Variants in AP5M1 observed in about 807,000 individuals in gnomAD.
The protein encoded by AP5M1 is adaptor related protein complex 5 subunit mu 1.
A neutral mutation model predicts 52.3 loss-of-function variants in AP5M1; 44 were observed. That is an observed-to-expected ratio of 0.84 (90% CI 0.66 to 1.08). AP5M1 has a LOEUF of 1.08. Ranked by LOEUF, AP5M1 falls within the 50% of genes least tolerant of loss-of-function variation. AP5M1 has a pLI of 0.00. For missense variants in AP5M1, 526 were observed against 568.4 expected (o/e 0.93, Z 0.76); for synonymous variants, 213 against 199.0 (o/e 1.07, Z -0.59).
In AP5M1 at chr14:57,274,691, T is replaced by A; in HGVS notation, c.522T>A (p.Asp174Glu). 1 of 1,614,208 alleles carries A rather than the reference T, an allele frequency of 6.2e-7. No individual in the cohort carries two copies. The highest frequency in any genetic ancestry group is 8.5e-7 in the Non-Finnish European group (1 of 1,180,044). The change falls in exon 2 of 8, where the codon GAT becomes GAA. Residue 174 changes from aspartate to glutamate, a missense_variant. Physicochemically the swap from Asp to Glu is conservative, Grantham distance 45. Around this residue, in one of 3 missense-constraint regions of AP5M1, gnomAD observed 425 missense variants for 430.6 expected, o/e 0.99. Coordinates refer to ENST00000261558, the MANE Select transcript of AP5M1 (RefSeq NM_018229.4). Reference sequence around the variant, plus strand: ...CTTGTCCATTTGGTACTTTATTAGATGCCAACTTACAGAATTCATTAGATA... The same window carrying A: ...CTTGTCCATTTGGTACTTTATTAGAAGCCAACTTACAGAATTCATTAGATA... ...LQACPFGTLL[D>E]ANLQNSLDNT... is the part of the protein sequence containing the mutation.
Position 57,274,628 on chromosome 14 carries a change from T to C in AP5M1, c.459T>C (p.Asn153=). The part of the protein sequence containing the change: ...YSGQKNDSEL[N]TKLSQLPDLL... ...GTCAAAAAAATGACTCTGAGCTGAA[T>C]ACAAAATTGAGCCAGTTGCCTGACT... Residue 153 remains asparagine (N), a synonymous_variant, in exon 2 of 8, where the codon AAT becomes AAC. Transcript: ENST00000261558. The C allele has an allele frequency of 6.2e-7, 1 of 1,614,234 alleles. No individual in the cohort carries two copies. Among genetic ancestry groups the C allele is most frequent in the Non-Finnish European group, 8.5e-7 (1 of 1,180,034 alleles).
Position 57,274,361 on chromosome 14 carries a change from T to G in AP5M1, c.192T>G (p.Asp64Glu). The G allele has an allele frequency of 6.2e-7, 1 of 1,614,188 alleles. No homozygotes were observed. The highest frequency in any genetic ancestry group is 1.7e-5 in the Admixed American group (1 of 60,028). ...TCTTTGAACTTAGATTATTGGATGA[T>G]GATAAAGACTTCGTTGAGAGTCGTG... ...ALLFELRLLDDDKDFVESRDS... is the reference protein window; with the variant it reads ...ALLFELRLLDEDKDFVESRDS... Residue 64 changes from aspartate (D) to glutamate (E), a missense_variant, in exon 2 of 8, where the codon GAT (aspartate) becomes GAG (glutamate). By Grantham distance (45) the Asp-to-Glu change is conservative. Coordinates refer to ENST00000261558, the MANE Select transcript of AP5M1 (RefSeq NM_018229.4).
At position 57,292,447 on chromosome 14, in the gene AP5M1, G is replaced by A. The variant is rs183120213; in HGVS notation, c.*3563G>A. On this transcript the variant is annotated 3_prime_UTR_variant, in exon 8 of 8. Coordinates refer to ENST00000261558, the MANE Select transcript of AP5M1 (RefSeq NM_018229.4). ...ACCTTTTAAAGCAAGGGCCAAGAAT[G>A]CAATTTATTTTCAGTATTTGAAGAT... 2.0e-5 allele frequency: 3 copies of A among 151,890 alleles called. No homozygotes were observed. The highest frequency in any genetic ancestry group is 7.2e-5 in the African/African-American group (3 of 41,518). 9.4% of individuals were successfully genotyped at this position (151,890 alleles called of 1,614,324 possible).
chr14:57,271,401 A>G (rs1030197532), intron 1 of AP5M1: 1 of 152,164 alleles, frequency 6.6e-6, no homozygotes, highest in South Asian at 2.1e-4. Context: ...CTAACATGTA[A>G]TTTTTGCCAA....
Position 57,297,781 on chromosome 14 carries a change from G to A in AP5M1, c.*8897G>A, listed in dbSNP as rs1269042530. 1.3e-5 allele frequency: 2 copies of A among 152,042 alleles called. No homozygotes were observed. Among genetic ancestry groups the A allele is most frequent in the African/African-American group, 4.8e-5 (2 of 41,396 alleles). 9.4% of individuals were successfully genotyped at this position (152,042 alleles called of 1,614,324 possible). A position where few individuals can be genotyped will look rare whatever the true frequency, so the allele number is the denominator to read the frequency against. ...AGCTTAGTGTTGATTTAATGAAGTAGCAAAATGTTAAATACATAACAAAAC... is the reference window on the plus strand; with the variant it reads ...AGCTTAGTGTTGATTTAATGAAGTAACAAAATGTTAAATACATAACAAAAC... On this transcript the variant is annotated 3_prime_UTR_variant, in exon 8 of 8. Transcript: ENST00000261558.
chr14:57,292,945 A>G lies in AP5M1; in HGVS notation c.*4061A>G, dbSNP rs1566522509. On this transcript the variant is annotated 3_prime_UTR_variant, in exon 8 of 8. Transcript: ENST00000261558. ...GTGTTTCCATTATAAGAATAATTGC[A>G]TTCATTTTCAGAATGCTTTTTTAAA... The G allele has an allele frequency of 1.3e-5, 2 of 151,582 alleles. No homozygotes were observed. 9.4% of individuals were successfully genotyped at this position (151,582 alleles called of 1,614,324 possible).
Position 57,294,560 on chromosome 14 carries a change from CTT to C in AP5M1, c.*5677_*5678del, listed in dbSNP as rs143739882. The C allele has an allele frequency of 1.8e-4, 27 of 151,708 alleles. No individual in the cohort carries two copies. In the South Asian group the frequency reaches 3.3e-3, roughly 19 times the overall value. The allele number at this position is 151,708 out of a possible 1,614,324, so 9.4% of individuals were successfully genotyped here. A position where few individuals can be genotyped will look rare whatever the true frequency, so the allele number is the denominator to read the frequency against. On this transcript the variant is annotated 3_prime_UTR_variant, in exon 8 of 8. Transcript: ENST00000261558. ...GTGAGCTAATTTATTTATATTAACT[CTT>C]ATTAATTTGCCAGTGGTTGAAGTTG...
intron 2 of AP5M1, chr14:57,275,409 GGAGAGAGAGAGGAGAGAGA>G (rs1287735251): frequency 3.6e-5 from 5 of 138,986 alleles, no homozygotes; most frequent in Admixed American, 2.2e-4. Flanking sequence ...GGTGGGGGGG[GGAGAGAGAGAGGAGAGAGA>G]GAGAGAGAGA....
chr14:57,272,347 T>G (rs61996660), intron 1 of AP5M1, among the ~76,000 whole-genome samples: 2,701 of 152,308 alleles, frequency 0.018, 47 homozygotes, highest in South Asian at 0.063. Flanking sequence ...ATATTTAAGA[T>G]TTAAGAAGGC....
intron 2 of AP5M1, among the ~76,000 whole-genome samples, chr14:57,276,211 T>C (rs1885032277): frequency 6.6e-6 from 1 of 152,228 alleles, no homozygotes; most frequent in Non-Finnish European, 1.5e-5. Flanking sequence ...AATTGAGGTG[T>C]TCATGGATTA....
At chr14:57,277,186 A>G (rs978792296) in intron 2 of AP5M1, among the ~76,000 whole-genome samples, 1 of 151,112 alleles carries the variant, frequency 6.6e-6, no homozygotes, top group Admixed American at 6.6e-5. Flanking sequence ...TACATATGCC[A>G]GATTGGTTTA....
In AP5M1 at chr14:57,269,307, A is replaced by C; in HGVS notation, c.-8A>C. 1 of 1,613,976 alleles carries C rather than the reference A, an allele frequency of 6.2e-7. No individual in the cohort carries two copies. Among genetic ancestry groups the C allele is most frequent in the Non-Finnish European group, 8.5e-7 (1 of 1,179,958 alleles). On this transcript the variant is annotated 5_prime_UTR_variant, in exon 1 of 8. An upstream open reading frame in the 5' UTR loses its in-frame stop. Transcript: ENST00000261558. ...TATGAGATGAGCTAATGCTTTACTG[A>C]CTTAACCATGGCGCAGCGGGCAGTG...
In AP5M1 at chr14:57,274,093, T is replaced by G. The variant is rs1245818299; in HGVS notation, c.75-151T>G. The G allele has an allele frequency of 2.8e-5, 21 of 762,486 alleles. No homozygotes were observed. The Admixed American group carries it at 4.7e-4, about 17-fold the overall frequency. The allele number at this position is 762,486 out of a possible 1,614,324, so 47.2% of individuals were successfully genotyped here. On this transcript the variant is annotated intron_variant, in intron 1 of 7. Coordinates refer to ENST00000261558, the MANE Select transcript of AP5M1 (RefSeq NM_018229.4). Reference sequence around the variant, plus strand: ...TTAATGGTCATTATAATTTTTTGGTTGTTGGCTTTTGTGGATGTGTGTATA... The same window carrying G: ...TTAATGGTCATTATAATTTTTTGGTGGTTGGCTTTTGTGGATGTGTGTATA...
chr14:57,287,065 A>T (rs2139697275), intron 7 of AP5M1, among the ~76,000 whole-genome samples: 1 of 152,152 alleles, frequency 6.6e-6, no homozygotes, highest in African/African-American at 2.4e-5. Flanking sequence ...CAATTTATAA[A>T]TGAATCAAAA....
intron 2 of AP5M1, among the ~76,000 whole-genome samples, chr14:57,279,225 C>A (rs1264121707): frequency 6.6e-6 from 1 of 152,134 alleles, no homozygotes. Flanking sequence ...AAGATACATA[C>A]ACACGTATGT....
intron 7 of AP5M1, 122 bp downstream of exon 7, chr14:57,286,441 T>G: frequency 1.5e-6 from 1 of 682,418 alleles, no homozygotes; most frequent in East Asian, 2.6e-5. Flanking sequence ...TTTATAAAAT[T>G]CTGGGCTGAT....
intron 6 of AP5M1, among the ~76,000 whole-genome samples, chr14:57,283,451 A>G (rs887027484): frequency 2.6e-5 from 4 of 152,104 alleles, no homozygotes; most frequent in African/African-American, 9.7e-5. Context: ...AGCCAGGCAT[A>G]GTGGCGGGAT....
In AP5M1 at chr14:57,280,405, T is replaced by C. The variant is rs764255656; in HGVS notation, c.931T>C (p.Cys311Arg). Residue 311 changes from cysteine (C) to arginine (R), a missense_variant, in exon 3 of 8, where the codon TGC becomes CGC. Physicochemically the swap from Cys to Arg is radical, Grantham distance 180. Coordinates refer to ENST00000261558, the MANE Select transcript of AP5M1 (RefSeq NM_018229.4). Reference protein sequence around the residue: ...FTPPLESFNLCFYTSQVPVPP... With the variant: ...FTPPLESFNLRFYTSQVPVPP... ...TCCACCTTTAGAGTCATTCAACTTATGCTTCTACACTTCCCAGGTAACAAC... is the reference window on the plus strand; with the variant it reads ...TCCACCTTTAGAGTCATTCAACTTACGCTTCTACACTTCCCAGGTAACAAC... The C allele has an allele frequency of 5.0e-6, 8 of 1,610,926 alleles. No individual in the cohort carries two copies. The highest frequency in any genetic ancestry group is 2.7e-5 in the African/African-American group (2 of 74,856).
intron 1 of AP5M1, among the ~76,000 whole-genome samples, chr14:57,270,775 ACT>A (rs1343735266): frequency 6.6e-6 from 1 of 151,992 alleles, no homozygotes; most frequent in Non-Finnish European, 1.5e-5. Context: ...CTTCGATGTT[ACT>A]CTTTTTCATT....
Sources: gnomAD v4.1 joint callset for allele counts (sites outside exome capture counted in the v4.1 genomes callset) on GRCh38, gnomAD v4.1.1 for gene constraint, gnomAD v4.1.1 regional missense constraint, MANE v1.5 for transcripts, NCBI Gene and HGNC (gene_info 2026-07-23, HGNC 2026-07-21) for gene names.